Variants in PCDH7 observed in about 807,000 individuals in gnomAD.
PCDH7 encodes the protein protocadherin 7, also known as protocadherin-7.
PCDH7 carries 17 observed loss-of-function variants against 58.9 expected under a neutral mutation model. The observed-to-expected ratio is 0.29, with a 90% confidence interval of 0.20 to 0.43. The LOEUF is 0.43. Ranked by LOEUF, PCDH7 falls within the 20% of genes least tolerant of loss-of-function variation. The pLI is 1.00. For synonymous variants in PCDH7, 664 were observed against 616.4 expected (o/e 1.08, Z -1.14); for missense variants, 1,274 against 1,441.0 (o/e 0.88, Z 1.88).
chr4:30,838,709 A>G (rs7656673), intron 1 of PCDH7, among the ~76,000 whole-genome samples: 69,933 of 151,774 alleles, frequency 0.46, 17,417 homozygotes, highest in African/African-American at 0.66. Context: ...CTCTCTATGC[A>G]CATCCTGGAA....
intron 2 of PCDH7, among the ~76,000 whole-genome samples, chr4:30,920,958 G>C (rs1329342242): frequency 2.0e-5 from 3 of 151,828 alleles, no homozygotes; most frequent in Admixed American, 2.0e-4. Context: ...ATTTTTATGT[G>C]AGAGAAAGGA....
intron 1 of PCDH7, among the ~76,000 whole-genome samples, chr4:30,886,292 C>T (rs1241699526): frequency 2.7e-5 from 4 of 149,028 alleles, no homozygotes; most frequent in Admixed American, 6.7e-5. Context: ...AACAAACAAC[C>T]CCATCAAAAA....
intron 1 of PCDH7, among the ~76,000 whole-genome samples, chr4:30,904,745 G>A (rs1368298951): frequency 6.6e-6 from 1 of 152,162 alleles, no homozygotes; most frequent in East Asian, 1.9e-4. Flanking sequence ...CTAACAAAGT[G>A]CAGATAAGGA....
At chr4:31,010,745 G>A (rs1753107552) in intron 3 of PCDH7, among the ~76,000 whole-genome samples, 1 of 151,688 alleles carries the variant, frequency 6.6e-6, no homozygotes, top group South Asian at 2.1e-4. Context: ...CAAAAACAAG[G>A]CAGGTAGGAG....
intron 1 of PCDH7, among the ~76,000 whole-genome samples, chr4:30,827,571 A>G (rs534951692): frequency 1.3e-3 from 192 of 152,274 alleles, no homozygotes; most frequent in African/African-American, 4.5e-3. Context: ...AAGTGAATGT[A>G]TATTTGTGTC....
intron 1 of PCDH7, among the ~76,000 whole-genome samples, chr4:30,748,098 T>C (rs778130498): frequency 1.3e-5 from 2 of 152,228 alleles, no homozygotes; most frequent in African/African-American, 2.4e-5. Context: ...TATTTTGAAA[T>C]GTGAAAAAAT....
chr4:30,843,582 T>C (rs955105296), intron 1 of PCDH7, among the ~76,000 whole-genome samples: 2 of 152,234 alleles, frequency 1.3e-5, no homozygotes, highest in South Asian at 4.1e-4. Context: ...TTTTCTGATT[T>C]CTGTCTTTAC....
exon 1 of PCDH7, chr4:30,724,362 C>T (rs764698490): frequency 1.2e-6 from 2 of 1,613,954 alleles, no homozygotes; most frequent in Non-Finnish European, 1.7e-6. Flanking sequence ...TGGGGCGATA[C>T]AGGTCCGTTA....
intron 3 of PCDH7, among the ~76,000 whole-genome samples, chr4:31,133,957 G>C (rs1719282191): frequency 6.6e-6 from 1 of 152,142 alleles, no homozygotes; most frequent in Non-Finnish European, 1.5e-5. Flanking sequence ...TTTTAATATT[G>C]TCTTGGCATG....
intron 3 of PCDH7, among the ~76,000 whole-genome samples, chr4:31,103,550 C>T (rs1396717108): frequency 1.3e-5 from 2 of 151,996 alleles, no homozygotes; most frequent in African/African-American, 4.8e-5. Flanking sequence ...GTTGGCCAGG[C>T]TGATCTCAAC....
chr4:30,972,811 G>A (rs1383692538), intron 3 of PCDH7, among the ~76,000 whole-genome samples: 2 of 152,028 alleles, frequency 1.3e-5, no homozygotes, highest in Non-Finnish European at 2.9e-5. Context: ...TCTACCACAC[G>A]GAGTGTCAGA....
At chr4:30,730,761 A>G (rs1386774902) in exon 2 of PCDH7, 16 of 1,603,704 alleles carry the variant, frequency 1.0e-5, no homozygotes, top group Non-Finnish European at 1.4e-5. Flanking sequence ...AGATGCGTCT[A>G]CATCCATACA....
In PCDH7 at chr4:30,777,798, T is replaced by A. The variant is rs1348921; in HGVS notation, c.70+53202T>A. Among the ~76,000 whole-genome samples, 14 of 151,990 alleles carry A rather than the reference T, an allele frequency of 9.2e-5. No homozygotes were observed. In the South Asian group the frequency reaches 2.9e-3, roughly 32 times the overall value. On this transcript the variant is annotated intron_variant, in intron 1 of 3. Coordinates refer to the PCDH7 transcript ENST00000509759. Reference sequence around the variant, plus strand: ...ATATTTGCCTATTATTAAAGAGGTATCTGGTAGTATAACTCTATCTGAATA... The same window carrying A: ...ATATTTGCCTATTATTAAAGAGGTAACTGGTAGTATAACTCTATCTGAATA...
At position 30,978,715 on chromosome 4, in the gene PCDH7, T is replaced by C. The variant is rs558437325; in HGVS notation, c.*7+28500T>C. On this transcript the variant is annotated intron_variant, in intron 3 of 3. Coordinates refer to the PCDH7 transcript ENST00000509759. The stretch of plus-strand genomic sequence containing the variant: ...ATTTGGCATTCAATAAGTGTTTTTC[T>C]CTCCCTAATACAATATACTTCTTTT... Among the ~76,000 whole-genome samples, 3 of 152,298 alleles carry C rather than the reference T, an allele frequency of 2.0e-5. No individual in the cohort carries two copies. The South Asian group carries it at 6.2e-4, about 32-fold the overall frequency.
At chr4:30,862,978 A>G (rs1414283753) in intron 1 of PCDH7, among the ~76,000 whole-genome samples, 4 of 152,146 alleles carry the variant, frequency 2.6e-5, no homozygotes, top group Non-Finnish European at 4.4e-5. Flanking sequence ...TTCCAACTGT[A>G]TACAACAGAT....
At chr4:30,754,188 G>T (rs76788346) in intron 1 of PCDH7, among the ~76,000 whole-genome samples, 7,833 of 140,952 alleles carry the variant, frequency 0.056, 425 homozygotes, top group East Asian at 0.22. Flanking sequence ...GTGTGTGTGT[G>T]TTTTTTCTGG....
rs372033720 is a variant in PCDH7, at chr4:30,724,164, C to T, written c.2742C>T (p.Ala914=). Residue 914 remains alanine (A), a synonymous_variant, in exon 1 of 2, where the codon GCC becomes GCT. Coordinates refer to ENST00000361762, the Ensembl canonical transcript of PCDH7. ...CCAAAAATAAAAATGGCTATGAAGCCGGCAAAAAAGATCACGAAGACTTTT... is the reference window on the plus strand; with the variant it reads ...CCAAAAATAAAAATGGCTATGAAGCTGGCAAAAAAGATCACGAAGACTTTT... 238 of 1,613,830 alleles carry T rather than the reference C, an allele frequency of 1.5e-4. 3 individuals carry two copies. The South Asian group carries it at 2.1e-3, about 14-fold the overall frequency.
intron 1 of PCDH7, among the ~76,000 whole-genome samples, chr4:30,837,177 A>G (rs1184393861): frequency 6.6e-6 from 1 of 152,132 alleles, no homozygotes; most frequent in Non-Finnish European, 1.5e-5. Context: ...GCAAATATGC[A>G]CCAAAGCACT....
At chr4:30,812,877 T>G (rs1296128230) in intron 1 of PCDH7, among the ~76,000 whole-genome samples, 1 of 152,224 alleles carries the variant, frequency 6.6e-6, no homozygotes, top group East Asian at 1.9e-4. Flanking sequence ...AACATGCACA[T>G]ATTAAATTCT....
Sources: allele counts gnomAD v4.1 joint callset (sites outside exome capture counted in the v4.1 genomes callset), GRCh38; gene constraint gnomAD v4.1.1; transcripts MANE v1.5; gene names NCBI Gene and HGNC (gene_info 2026-07-23, HGNC 2026-07-21).